LPIN2: variants seen among roughly 807,000 people sequenced by gnomAD.
LPIN2 encodes lipin 2, also known as phosphatidate phosphatase LPIN2.
In LPIN2, 55 loss-of-function variants were observed where a neutral mutation model predicts 111.4. The ratio of observed to expected loss-of-function variants is 0.49; its 90% CI spans 0.40 to 0.62. LPIN2 has a LOEUF of 0.62. Among genes scored for constraint, LPIN2 ranks in the 20% least tolerant of loss-of-function variants. The pLI is 0.00. For synonymous variants in LPIN2, 425 were observed against 414.0 expected, an observed-to-expected ratio of 1.03 and a Z score of -0.32; for missense variants, 992 against 1,112.1, an observed-to-expected ratio of 0.89 and a Z score of 1.54.
Position 2,922,096 on chromosome 18 carries a change from G to C in LPIN2, c.2278C>G (p.Arg760Gly), listed in dbSNP as rs371146662. The change falls in exon 17 of 20, where the codon CGG becomes GGG. Residue 760 changes from arginine to glycine, a missense_variant. By Grantham distance (125) the Arg-to-Gly change is moderately radical. Coordinates refer to ENST00000677752, the MANE Select transcript of LPIN2 (RefSeq NM_001375808.2). ...CTGGGGGACAGCATCAGGGGGCCCC[G>C]GGGCAAGATTGTGCCCTTGTCATTG... The part of the protein sequence containing the change: ...WVNDKGTILP[R>G]GPLMLSPSSL... 6.2e-7 allele frequency: 1 copy of C among 1,613,944 alleles called. No homozygotes were observed.
At chr18:2,967,213 C>A (rs1378496433) in intron 1 of LPIN2, among the ~76,000 whole-genome samples, 1 of 152,142 alleles carries the variant, frequency 6.6e-6, no homozygotes, top group Admixed American at 6.5e-5. Context: ...TCTACCTATA[C>A]TCAGGGTCCC....
chr18:2,944,231 T>TAA (rs569764451), intron 4 of LPIN2, among the ~76,000 whole-genome samples: 1 of 139,206 alleles, frequency 7.2e-6, no homozygotes, highest in African/African-American at 2.6e-5. Flanking sequence ...TTCATGACTT[T>TAA]AAAAAAAAAA....
At chr18:2,955,636 C>T (rs986251684) in intron 2 of LPIN2, among the ~76,000 whole-genome samples, 3 of 152,106 alleles carry the variant, frequency 2.0e-5, no homozygotes, top group African/African-American at 7.2e-5. Context: ...TATGTATGGG[C>T]CGGGTGCAGT....
chr18:2,936,506 G>A (rs566566500), intron 7 of LPIN2, among the ~76,000 whole-genome samples: 7 of 152,186 alleles, frequency 4.6e-5, no homozygotes, highest in Admixed American at 1.3e-4. Context: ...GAGTGCAGTG[G>A]TGCAATCACA....
At chr18:2,976,835 G>GTACT (rs2078026086) in intron 1 of LPIN2, among the ~76,000 whole-genome samples, 1 of 152,314 alleles carries the variant, frequency 6.6e-6, no homozygotes, top group South Asian at 2.1e-4. Context: ...TTAACAAAGA[G>GTACT]TACTTAACTA....
chr18:2,960,331 G>A (rs1349394789), intron 2 of LPIN2, among the ~76,000 whole-genome samples: 1 of 151,818 alleles, frequency 6.6e-6, no homozygotes, highest in Non-Finnish European at 1.5e-5. Context: ...ATATGTCTAA[G>A]TTCCCCCATC....
At position 2,928,560 on chromosome 18, in the gene LPIN2, C is replaced by T. The variant is rs769873331; in HGVS notation, c.1620+31G>A. The T allele has an allele frequency of 9.3e-6, 15 of 1,610,108 alleles. 1 individual carries two copies. Among genetic ancestry groups the T allele is most frequent in the Admixed American group, 8.3e-5 (5 of 59,986 alleles). On this transcript the variant is annotated intron_variant, in intron 11 of 19. Transcript: ENST00000677752. Reference sequence around the variant, plus strand: ...AAGTACTAGACACTGCGGATGCTTTCGGAAAGGCAGCAGATGGTGGATCGC... The same window carrying T: ...AAGTACTAGACACTGCGGATGCTTTTGGAAAGGCAGCAGATGGTGGATCGC...
intron 6 of LPIN2, among the ~76,000 whole-genome samples, chr18:2,938,905 G>C (rs1392039152): frequency 1.3e-5 from 2 of 152,240 alleles, no homozygotes; most frequent in African/African-American, 4.8e-5. Context: ...TGTAATCCCA[G>C]CACTCTGGGA....
At chr18:2,967,003 T>G (rs1365310029) in intron 1 of LPIN2, 1 of 152,194 alleles carries the variant, frequency 6.6e-6, no homozygotes, top group Non-Finnish European at 1.5e-5. Context: ...CTTGCCCCTG[T>G]GCTCCTGGAC....
At chr18:2,986,442 A>G (rs1327587143) in intron 1 of LPIN2, among the ~76,000 whole-genome samples, 1 of 123,412 alleles carries the variant, frequency 8.1e-6, no homozygotes, top group Non-Finnish European at 1.8e-5. Context: ...TCAGACGCCC[A>G]GCTTAAAGTG....
chr18:2,943,738 G>C (rs1264249795), intron 4 of LPIN2, among the ~76,000 whole-genome samples: 1 of 152,098 alleles, frequency 6.6e-6, no homozygotes, highest in South Asian at 2.1e-4. Flanking sequence ...AGATGTTTAT[G>C]TACTCCATGT....
At chr18:2,988,012 C>CAAAA (rs761121515) in intron 1 of LPIN2, among the ~76,000 whole-genome samples, 688 of 32,332 alleles carry the variant, frequency 0.021, 105 homozygotes, top group African/African-American at 0.061. Flanking sequence ...GAGACTGTCT[C>CAAAA]AAAAAAAAAA....
intron 7 of LPIN2, among the ~76,000 whole-genome samples, chr18:2,937,243 G>C (rs1245779338): frequency 2.6e-5 from 4 of 152,060 alleles, no homozygotes; most frequent in African/African-American, 9.7e-5. Flanking sequence ...GAAAGCAATT[G>C]TAAGAAAGTG....
chr18:2,941,826 A>G (rs1238348819), intron 4 of LPIN2, among the ~76,000 whole-genome samples: 1 of 152,142 alleles, frequency 6.6e-6, no homozygotes, highest in East Asian at 1.9e-4. Flanking sequence ...TTGGGAGGCT[A>G]AGGCAGAGAA....
chr18:2,947,533 T>C (rs1310806966), intron 4 of LPIN2, among the ~76,000 whole-genome samples: 1 of 152,234 alleles, frequency 6.6e-6, no homozygotes, highest in South Asian at 2.1e-4. Flanking sequence ...AGCTGTGCTA[T>C]AGCAATCTGC....
chr18:2,978,626 A>G (rs941066844), intron 1 of LPIN2, among the ~76,000 whole-genome samples: 1 of 152,274 alleles, frequency 6.6e-6, no homozygotes, highest in Non-Finnish European at 1.5e-5. Context: ...GAAAAAGGAC[A>G]TTAGTAAGAA....
In LPIN2 at chr18:3,006,790, T is replaced by A. The variant is rs1483762241; in HGVS notation, c.-10+6297A>T. Among the ~76,000 whole-genome samples the A allele has an allele frequency of 4.7e-5, 7 of 150,380 alleles. No homozygotes were observed. The East Asian group carries it at 1.4e-3, about 30-fold the overall frequency. ...AGGCGGAGCTTGCAGTGAGCAGAGA[T>A]CGCGCCGCTGCACTCCAGCCTGGGC... On this transcript the variant is annotated intron_variant, in intron 1 of 19. Transcript: ENST00000677752.
intron 1 of LPIN2, among the ~76,000 whole-genome samples, chr18:2,974,660 G>A (rs1172178655): frequency 6.6e-6 from 1 of 152,070 alleles, no homozygotes; most frequent in Admixed American, 6.6e-5. Context: ...GGAGATGATG[G>A]GGGAAAAAGT....
chr18:2,946,098 A>C, intron 4 of LPIN2: 1 of 1,553,898 alleles, frequency 6.4e-7, no homozygotes, highest in Non-Finnish European at 8.9e-7. Context: ...TAATTTCATC[A>C]TTGTCTTCTT....
Sources: allele counts gnomAD v4.1 joint callset (sites outside exome capture counted in the v4.1 genomes callset), GRCh38; gene constraint gnomAD v4.1.1; transcripts MANE v1.5; gene names NCBI Gene and HGNC (gene_info 2026-07-23, HGNC 2026-07-21).